NWD2: variants seen among roughly 807,000 people sequenced by gnomAD.
The protein encoded by NWD2 is NACHT and WD repeat domain containing 2.
In NWD2, 37 loss-of-function variants were observed where a neutral mutation model predicts 132.7. That is an observed-to-expected ratio of 0.28 (90% CI 0.21 to 0.37). The LOEUF is 0.37. Ranked by LOEUF, NWD2 falls within the 10% of genes least tolerant of loss-of-function variation. The pLI, the probability that NWD2 is intolerant of heterozygous loss-of-function variation, is 1.00. For synonymous variants in NWD2, 705 were observed against 803.0 expected (o/e 0.88, Z 2.06); for missense variants, 1,592 against 2,122.4 (o/e 0.75, Z 4.91).
chr4:37,383,317 CT>C (rs532795935), intron 3 of NWD2, among the ~76,000 whole-genome samples: 17 of 152,270 alleles, frequency 1.1e-4, no homozygotes, highest in Middle Eastern at 3.4e-3. Context: ...TAAGATATCT[CT>C]TTAGATTTCA....
At chr4:37,296,351 G>A (rs1718488207) in intron 1 of NWD2, among the ~76,000 whole-genome samples, 1 of 152,070 alleles carries the variant, frequency 6.6e-6, no homozygotes. Context: ...ACATAAACAA[G>A]GTTATGTTAT....
intron 3 of NWD2, among the ~76,000 whole-genome samples, chr4:37,365,950 AG>A (rs1399629908): frequency 2.6e-5 from 4 of 152,234 alleles, no homozygotes; most frequent in Non-Finnish European, 5.9e-5. Flanking sequence ...ACTTCTAAGT[AG>A]GCCAGCAACA....
At chr4:37,253,733 A>AT (rs1186274829) in intron 1 of NWD2, among the ~76,000 whole-genome samples, 4 of 152,164 alleles carry the variant, frequency 2.6e-5, no homozygotes, top group Admixed American at 2.6e-4. Context: ...GAAAAGTCAC[A>AT]TATTTCTCTA....
At position 37,445,336 on chromosome 4, in the gene NWD2, C is replaced by T. The variant is rs1167385490; in HGVS notation, c.3348C>T (p.Gly1116=). ...CSLDGLYAFC[G]QYLNTTTIFH... is the part of the protein sequence containing the mutation. Reference sequence around the variant, plus strand: ...TGGATGGTCTGTATGCTTTCTGTGGCCAATACCTGAACACAACCACCATAT... The same window carrying T: ...TGGATGGTCTGTATGCTTTCTGTGGTCAATACCTGAACACAACCACCATAT... The change falls in exon 7 of 7, where the codon GGC becomes GGT. Residue 1116 remains glycine (G), a synonymous_variant. Coordinates refer to ENST00000309447, the MANE Select transcript of NWD2 (RefSeq NM_001144990.2). This position sits in a 1 kb window ranked among gnomAD's most constrained non-coding sequence, Gnocchi z 4.7. 1.3e-6 allele frequency: 2 copies of T among 1,552,134 alleles called. No individual in the cohort carries two copies. The highest frequency in any genetic ancestry group is 3.9e-5 in the Admixed American group (2 of 51,010).
intron 3 of NWD2, among the ~76,000 whole-genome samples, chr4:37,397,788 CCTCTCTCTCT>C (rs113226816): frequency 1.5e-3 from 230 of 148,786 alleles, no homozygotes; most frequent in Middle Eastern, 7.0e-3. Flanking sequence ...CTGGGAACAG[CCTCTCTCTCT>C]CTCTCTCTCT....
chr4:37,270,842 AATT>A (rs1212061610), intron 1 of NWD2, among the ~76,000 whole-genome samples: 18 of 151,900 alleles, frequency 1.2e-4, no homozygotes, highest in Admixed American at 5.3e-4. Flanking sequence ...TCAAAGTAGC[AATT>A]ATTTTCTTAT....
At chr4:37,407,003 A>G (rs1721056171) in intron 3 of NWD2, among the ~76,000 whole-genome samples, 1 of 151,700 alleles carries the variant, frequency 6.6e-6, no homozygotes, top group Admixed American at 6.6e-5. Context: ...CAAACACCGC[A>G]TGTTCTCATT....
At chr4:37,441,018 T>C (rs765272363) in intron 6 of NWD2, among the ~76,000 whole-genome samples, 3 of 152,216 alleles carry the variant, frequency 2.0e-5, no homozygotes, top group African/African-American at 7.2e-5. Flanking sequence ...ACAGAGACAG[T>C]TGCATTACAC....
intron 1 of NWD2, among the ~76,000 whole-genome samples, chr4:37,325,246 A>G (rs1462986574): frequency 1.3e-5 from 2 of 152,150 alleles, no homozygotes; most frequent in African/African-American, 4.8e-5. Flanking sequence ...TTTCTTAATG[A>G]CAGGAGATAA....
chr4:37,296,884 A>G (rs1246485908), intron 1 of NWD2, among the ~76,000 whole-genome samples: 1 of 152,204 alleles, frequency 6.6e-6, no homozygotes, highest in African/African-American at 2.4e-5. Context: ...GCTCACAGGA[A>G]CCTAGCCCTG....
intron 3 of NWD2, among the ~76,000 whole-genome samples, chr4:37,419,452 A>G (rs1056265818): frequency 6.6e-6 from 1 of 152,226 alleles, no homozygotes; most frequent in Non-Finnish European, 1.5e-5. Flanking sequence ...CTATCATCAA[A>G]GTAAACAGAC....
At chr4:37,355,801 T>A (rs1315307477) in intron 2 of NWD2, among the ~76,000 whole-genome samples, 1 of 152,184 alleles carries the variant, frequency 6.6e-6, no homozygotes, top group Non-Finnish European at 1.5e-5. Context: ...TGCCCGTACA[T>A]GTTTTTCAGA....
At position 37,433,853 on chromosome 4, in the gene NWD2, T is replaced by C. The variant is rs1712241888; in HGVS notation, c.562-23T>C. The C allele has an allele frequency of 3.3e-6, 5 of 1,498,926 alleles. 1 individual carries two copies. The South Asian group carries it at 6.7e-5, about 20-fold the overall frequency. 92.9% of individuals were successfully genotyped at this position (1,498,926 alleles called of 1,614,324 possible). On this transcript the variant is annotated intron_variant, in intron 4 of 6. Coordinates refer to ENST00000309447, the MANE Select transcript of NWD2 (RefSeq NM_001144990.2). ...TTTCTTTGATGATTGTAAGACTAAT[T>C]TCTCCCTTTTACATTTCTATAGATG... is the stretch of plus-strand genomic sequence containing the variant.
rs144911758 is a variant in NWD2 at position 37,335,640 on chromosome 4, C to T, written c.240+9616C>T. Among the ~76,000 whole-genome samples, 151 of 151,912 alleles carry T rather than the reference C, an allele frequency of 9.9e-4. 1 individual carries two copies. The highest frequency in any genetic ancestry group is 4.2e-3 in the South Asian group (20 of 4,784). ...GCCTGAGCTCCTTCTGTCAGATCAG[C>T]GGTGGCATTAGATTCTCATAGGAAC... On this transcript the variant is annotated intron_variant, in intron 2 of 6. Transcript: ENST00000309447.
intron 3 of NWD2, among the ~76,000 whole-genome samples, chr4:37,365,428 T>G (rs183513716): frequency 3.3e-5 from 5 of 152,228 alleles, no homozygotes; most frequent in African/African-American, 1.2e-4. Context: ...TGATTTGAAC[T>G]GGAAAGTCAT....
chr4:37,251,114 A>G (rs1717350419), intron 1 of NWD2, among the ~76,000 whole-genome samples: 1 of 152,172 alleles, frequency 6.6e-6, no homozygotes, highest in Admixed American at 6.5e-5. Flanking sequence ...CCCCGTCTCT[A>G]CTAAAAATAC....
intron 3 of NWD2, among the ~76,000 whole-genome samples, chr4:37,393,196 T>TG (rs3064360): frequency 2.0e-5 from 3 of 151,636 alleles, no homozygotes; most frequent in Non-Finnish European, 2.9e-5. Flanking sequence ...ATCCGGGGGT[T>TG]GGGGGGAGAC....
rs191850627 is a variant in NWD2 at position 37,298,299 on chromosome 4, T to C, written c.152-27637T>C. On this transcript the variant is annotated intron_variant, in intron 1 of 6. Transcript: ENST00000309447. Reference sequence around the variant, plus strand: ...ATCCTTGTTTGTGATTTGGGCAGTATTCTAAGTCTTTGCCATGTCTGTTTG... The same window carrying C: ...ATCCTTGTTTGTGATTTGGGCAGTACTCTAAGTCTTTGCCATGTCTGTTTG... 3.6e-3 allele frequency among the ~76,000 whole-genome samples: 542 copies of C among 152,298 alleles called. 2 individuals are homozygous for C. Among genetic ancestry groups the C allele is most frequent in the African/African-American group, 0.012 (495 of 41,570 alleles).
chr4:37,278,761 C>G (rs2109267135), intron 1 of NWD2, among the ~76,000 whole-genome samples: 2 of 152,258 alleles, frequency 1.3e-5, no homozygotes, highest in East Asian at 3.9e-4. Flanking sequence ...GGGCCATTTC[C>G]CAAAACGCAT....
Sources: gnomAD v4.1 joint callset for allele counts (sites outside exome capture counted in the v4.1 genomes callset) on GRCh38, gnomAD v4.1.1 for gene constraint, Gnocchi (gnomAD v3.1) non-coding constraint, MANE v1.5 for transcripts, NCBI Gene and HGNC (gene_info 2026-07-23, HGNC 2026-07-21) for gene names.